Variants in ANO3 observed in about 807,000 individuals in gnomAD.
ANO3 encodes the protein anoctamin-3.
Under a neutral mutation model 144.8 loss-of-function variants are expected in ANO3, and 99 were observed. The ratio of observed to expected loss-of-function variants is 0.68; its 90% confidence interval spans 0.58 to 0.81. ANO3 has a LOEUF of 0.81. ANO3 is among the 30% of genes least tolerant of loss of function. The pLI is 0.00. For synonymous variants in ANO3, 414 were observed against 392.6 expected, an observed-to-expected ratio of 1.05 and a Z score of -0.64; for missense variants, 905 against 1,202.2, an observed-to-expected ratio of 0.75 and a Z score of 3.66.
At chr11:26,209,752 CT>C (rs537651474) in intron 1 of ANO3, among the ~76,000 whole-genome samples, 27 of 152,314 alleles carry the variant, frequency 1.8e-4, no homozygotes, top group African/African-American at 6.0e-4. Flanking sequence ...AGATGATGAG[CT>C]TTTTTTCGTG....
Position 26,193,077 on chromosome 11 carries a change from G to A in ANO3, c.154+3747G>A, listed in dbSNP as rs149569559. On this transcript the variant is annotated intron_variant, in intron 1 of 27. Coordinates refer to the ANO3 transcript ENST00000672621. ...TATTTGTCCTAATGCTCTCCCTGCCGTTGCCCCCCACCCCTCAAAGGCTGC... is the reference window on the plus strand; with the variant it reads ...TATTTGTCCTAATGCTCTCCCTGCCATTGCCCCCCACCCCTCAAAGGCTGC... Among the ~76,000 whole-genome samples the A allele has an allele frequency of 2.2e-4, 33 of 150,136 alleles. No homozygotes were observed. The East Asian group carries it at 3.3e-3, about 15-fold the overall frequency.
chr11:26,601,924 A>G (rs1851809424), intron 17 of ANO3, among the ~76,000 whole-genome samples: 1 of 152,176 alleles, frequency 6.6e-6, no homozygotes. Context: ...TAGTTCTGCT[A>G]CCCAGGATCT....
chr11:26,502,251 C>A (rs1036415320), intron 4 of ANO3, among the ~76,000 whole-genome samples: 2 of 152,006 alleles, frequency 1.3e-5, no homozygotes, highest in Non-Finnish European at 2.9e-5. Context: ...GTTAAAATAG[C>A]CAACATTTTT....
intron 1 of ANO3, among the ~76,000 whole-genome samples, chr11:26,230,284 C>A (rs771640347): frequency 1.3e-5 from 2 of 151,916 alleles, no homozygotes; most frequent in African/African-American, 2.4e-5. Flanking sequence ...ATATGAAGGA[C>A]TAGGGGTAAA....
chr11:26,644,546 A>C (rs1410504728), intron 23 of ANO3, among the ~76,000 whole-genome samples: 1 of 152,202 alleles, frequency 6.6e-6, no homozygotes, highest in Admixed American at 6.5e-5. Context: ...TGTTCTCCAG[A>C]AATGTTGTGC....
chr11:26,268,588 A>G (rs1273781592), intron 1 of ANO3, among the ~76,000 whole-genome samples: 1 of 152,178 alleles, frequency 6.6e-6, no homozygotes, highest in African/African-American at 2.4e-5. Flanking sequence ...GCACGTGTGT[A>G]TAATACTTAC....
Position 26,565,765 on chromosome 11 carries a change from T to C in ANO3, c.1447+5986T>C, listed in dbSNP as rs752109439. On this transcript the variant is annotated intron_variant, in intron 14 of 26. Coordinates refer to ENST00000256737, the MANE Select transcript of ANO3 (RefSeq NM_031418.4). The stretch of plus-strand genomic sequence containing the variant: ...TTAAAAACTTCTGCAATGTTCTGTG[T>C]TGTGTTTATGTCTTGATTTTCTTTT... 1.9e-6 allele frequency: 3 copies of C among 1,613,284 alleles called. No homozygotes were observed. In the African/African-American group the frequency reaches 4.0e-5, roughly 22 times the overall value.
intron 1 of ANO3, among the ~76,000 whole-genome samples, chr11:26,393,600 T>G (rs1290000582): frequency 6.6e-6 from 1 of 152,184 alleles, no homozygotes; most frequent in African/African-American, 2.4e-5. Context: ...TTGATACATA[T>G]TGGCTGAAAT....
chr11:26,366,857 C>A (rs1416994783), intron 1 of ANO3, among the ~76,000 whole-genome samples: 1 of 151,550 alleles, frequency 6.6e-6, no homozygotes, highest in African/African-American at 2.4e-5. Context: ...TGTTTGAGTT[C>A]TTTGTAGATT....
chr11:26,574,444 A>G (rs1225668868), intron 14 of ANO3, among the ~76,000 whole-genome samples: 1 of 152,180 alleles, frequency 6.6e-6, no homozygotes, highest in Non-Finnish European at 1.5e-5. Context: ...TGCATTGATC[A>G]GATTCACTGA....
At chr11:26,420,676 A>T (rs537183811) in intron 1 of ANO3, among the ~76,000 whole-genome samples, 54 of 152,106 alleles carry the variant, frequency 3.6e-4, no homozygotes, top group Non-Finnish European at 6.3e-4. Context: ...AGGTTCTTAT[A>T]TCTTGTTCCT....
At chr11:26,492,536 G>A (rs1226779477) in intron 4 of ANO3, among the ~76,000 whole-genome samples, 1 of 152,054 alleles carries the variant, frequency 6.6e-6, no homozygotes, top group Non-Finnish European at 1.5e-5. Flanking sequence ...TCTGCCACTT[G>A]TTTTAATAAA....
intron 1 of ANO3, among the ~76,000 whole-genome samples, chr11:26,356,283 A>G (rs554092252): frequency 1.7e-4 from 26 of 152,320 alleles, no homozygotes; most frequent in African/African-American, 6.0e-4. Context: ...TTAAAAGTAT[A>G]TATCTGGTAA....
At chr11:26,265,947 T>TA (rs1471967719) in intron 1 of ANO3, among the ~76,000 whole-genome samples, 1 of 152,224 alleles carries the variant, frequency 6.6e-6, no homozygotes, top group East Asian at 1.9e-4. Flanking sequence ...CTTAGTAGCC[T>TA]ACTTCACAAG....
intron 1 of ANO3, among the ~76,000 whole-genome samples, chr11:26,409,756 T>C (rs780874228): frequency 6.6e-6 from 1 of 152,002 alleles, no homozygotes; most frequent in Non-Finnish European, 1.5e-5. Context: ...GCAGGAATAT[T>C]AAATTGCGTG....
intron 1 of ANO3, among the ~76,000 whole-genome samples, chr11:26,214,745 G>T (rs72889643): frequency 0.043 from 6,565 of 151,824 alleles, 201 homozygotes; most frequent in Middle Eastern, 0.065. Flanking sequence ...AACCAATATT[G>T]ATATATTATT....
At chr11:26,337,862 G>A (rs1171443046) in intron 1 of ANO3, among the ~76,000 whole-genome samples, 2 of 152,024 alleles carry the variant, frequency 1.3e-5, no homozygotes, top group African/African-American at 4.8e-5. Context: ...TTGAACCAGG[G>A]AGGCAGATGT....
Position 26,406,676 on chromosome 11 carries a change from A to AGTGT in ANO3, c.47-35196_47-35193dup, listed in dbSNP as rs72102663. Among the ~76,000 whole-genome samples, 882 of 119,324 alleles carry AGTGT rather than the reference A, an allele frequency of 7.4e-3. 9 individuals carry two copies. The highest frequency in any genetic ancestry group is 0.011 in the Non-Finnish European group (632 of 56,928). 78.3% of individuals were successfully genotyped at this position (119,324 alleles called of 152,430 possible). A position where few individuals can be genotyped will look rare whatever the true frequency, so the allele number is the denominator to read the frequency against. ...TGAAAGGGGTCCAATAATCTATGGC[A>AGTGT]GTGTGTGTGTGTGTGTGTGTGTGTG... is the stretch of plus-strand genomic sequence containing the variant. On this transcript the variant is annotated intron_variant, in intron 1 of 26. Transcript: ENST00000256737.
intron 6 of ANO3, among the ~76,000 whole-genome samples, chr11:26,522,028 C>CA (rs1401533186): frequency 6.6e-6 from 1 of 151,986 alleles, no homozygotes; most frequent in African/African-American, 2.4e-5. Flanking sequence ...ACTAAATATA[C>CA]AAAAAATTAG....
Sources: allele counts gnomAD v4.1 joint callset (sites outside exome capture counted in the v4.1 genomes callset), GRCh38; gene constraint gnomAD v4.1.1; transcripts MANE v1.5; gene names NCBI Gene and HGNC (gene_info 2026-07-23, HGNC 2026-07-21).